INPP4B: variants seen among roughly 807,000 people sequenced by gnomAD.
INPP4B encodes the protein inositol polyphosphate 4-phosphatase type II.
Under a neutral mutation model 122.5 loss-of-function variants are expected in INPP4B, and 55 were observed. The ratio of observed to expected loss-of-function variants is 0.45; its 90% CI spans 0.36 to 0.56. INPP4B has a LOEUF of 0.56. Ranked by LOEUF, INPP4B falls within the 20% of genes least tolerant of loss-of-function variation. The probability of loss-of-function intolerance (pLI) is 0.00; values close to 1 mark genes in which losing one functional copy is unlikely to be tolerated. For missense variants in INPP4B, 1,000 were observed against 1,097.7 expected (o/e 0.91, Z 1.26); for synonymous variants, 403 against 388.7 (o/e 1.04, Z -0.43).
intron 2 of INPP4B, among the ~76,000 whole-genome samples, chr4:142,614,016 G>T (rs1401860800): frequency 1.3e-5 from 2 of 152,146 alleles, no homozygotes; most frequent in Non-Finnish European, 2.9e-5. Context: ...GGAACGGGTA[G>T]CAAATAAATA....
intron 2 of INPP4B, among the ~76,000 whole-genome samples, chr4:142,664,243 C>A (rs1376075984): frequency 6.6e-6 from 1 of 152,138 alleles, no homozygotes; most frequent in African/African-American, 2.4e-5. Context: ...CCATGTCCCA[C>A]ACTGCCAAGA....
At chr4:142,531,645 C>T (rs1159585731) in intron 2 of INPP4B, among the ~76,000 whole-genome samples, 1 of 151,904 alleles carries the variant, frequency 6.6e-6, no homozygotes, top group Non-Finnish European at 1.5e-5. Flanking sequence ...GACAGTTATT[C>T]TCTGAATGGA....
intron 1 of INPP4B, among the ~76,000 whole-genome samples, chr4:142,756,027 T>C (rs1332169834): frequency 6.6e-6 from 1 of 152,042 alleles, no homozygotes; most frequent in African/African-American, 2.4e-5. Flanking sequence ...CCCTCGACCC[T>C]GGAGGGGAAT....
chr4:142,831,924 A>G (rs1242898658), intron 1 of INPP4B, among the ~76,000 whole-genome samples: 1 of 152,232 alleles, frequency 6.6e-6, no homozygotes, highest in Non-Finnish European at 1.5e-5. Context: ...CTGCACTGTA[A>G]GTAGCTATGG....
chr4:142,389,517 T>A (rs951594773), intron 7 of INPP4B, among the ~76,000 whole-genome samples: 1 of 152,182 alleles, frequency 6.6e-6, no homozygotes, highest in Non-Finnish European at 1.5e-5. Context: ...AGCCATTTGG[T>A]CTAAATTAAG....
At chr4:142,042,529 T>C (rs1400727537) in intron 25 of INPP4B, among the ~76,000 whole-genome samples, 4 of 22,614 alleles carry the variant, frequency 1.8e-4, no homozygotes, top group Admixed American at 1.6e-3. Flanking sequence ...TATGTATGTA[T>C]GTATGTATGT....
chr4:142,037,393 C>A (rs746117654), intron 25 of INPP4B, among the ~76,000 whole-genome samples: 9 of 152,156 alleles, frequency 5.9e-5, no homozygotes, highest in Non-Finnish European at 1.2e-4. Flanking sequence ...GATACTCTCT[C>A]AAATCACTCT....
At chr4:142,397,599 G>T (rs796419627) in intron 7 of INPP4B, among the ~76,000 whole-genome samples, 10 of 152,242 alleles carry the variant, frequency 6.6e-5, no homozygotes, top group African/African-American at 2.4e-4. Flanking sequence ...CAGCACTTTG[G>T]GAGGCCGAAG....
intron 2 of INPP4B, among the ~76,000 whole-genome samples, chr4:142,659,075 C>G (rs927070455): frequency 6.6e-6 from 1 of 152,106 alleles, no homozygotes; most frequent in Non-Finnish European, 1.5e-5. Context: ...ATTTTGCAAA[C>G]CATTCAGTCC....
In INPP4B at chr4:142,303,339, T is replaced by G. The variant is rs550121632; in HGVS notation, c.503+2119A>C. Among the ~76,000 whole-genome samples the G allele has an allele frequency of 7.9e-5, 12 of 152,282 alleles. No homozygotes were observed. In the South Asian group the frequency reaches 2.5e-3, roughly 32 times the overall value. On this transcript the variant is annotated intron_variant, in intron 9 of 25. Coordinates refer to ENST00000262992, the MANE Select transcript of INPP4B (RefSeq NM_001101669.3). ...TAACCATGAAGAAAAGGAAATTTAT[T>G]CATGGAATGCTCTTAGTTCTGTGAA...
chr4:142,687,061 C>T (rs1759449507), intron 2 of INPP4B, among the ~76,000 whole-genome samples: 1 of 151,778 alleles, frequency 6.6e-6, no homozygotes, highest in African/African-American at 2.4e-5. Flanking sequence ...TGGGAAGAAA[C>T]AAAGAGTTTC....
chr4:142,612,552 C>G (rs1742788568), intron 2 of INPP4B, among the ~76,000 whole-genome samples: 1 of 152,120 alleles, frequency 6.6e-6, no homozygotes, highest in African/African-American at 2.4e-5. Context: ...GGTAAGGGCC[C>G]AATTCCTGGT....
At chr4:142,679,241 T>G (rs1055894853) in intron 2 of INPP4B, among the ~76,000 whole-genome samples, 1 of 151,868 alleles carries the variant, frequency 6.6e-6, no homozygotes, top group African/African-American at 2.4e-5. Context: ...TCCTGCTGCC[T>G]TAGCAAGTGA....
At chr4:142,507,463 A>G (rs1824171321) in intron 2 of INPP4B, among the ~76,000 whole-genome samples, 1 of 152,084 alleles carries the variant, frequency 6.6e-6, no homozygotes, top group Non-Finnish European at 1.5e-5. Context: ...AGGCAAGATT[A>G]ATATAGATAA....
At chr4:142,754,565 A>G (rs1770219418) in intron 1 of INPP4B, among the ~76,000 whole-genome samples, 1 of 152,050 alleles carries the variant, frequency 6.6e-6, no homozygotes, top group East Asian at 1.9e-4. Flanking sequence ...ATTACTTAGA[A>G]AAATGCATTC....
intron 2 of INPP4B, among the ~76,000 whole-genome samples, chr4:142,480,349 T>C (rs555456320): frequency 1.3e-5 from 2 of 152,266 alleles, no homozygotes; most frequent in South Asian, 2.1e-4. Flanking sequence ...CTTTCAGCTT[T>C]ATGAAGTTTT....
rs1236554313 is a variant in INPP4B at position 142,579,879 on chromosome 4, G to GTAGGTAGATAGA, written c.-190-117154_-190-117153insTCTATCTACCTA. Among the ~76,000 whole-genome samples, 8 of 142,594 alleles carry GTAGGTAGATAGA rather than the reference G, an allele frequency of 5.6e-5. No individual in the cohort carries two copies. In the South Asian group the frequency reaches 9.3e-4, roughly 16 times the overall value. The allele number at this position is 142,594 out of a possible 152,430, so 93.5% of individuals were successfully genotyped here. A position where few individuals can be genotyped will look rare whatever the true frequency, so the allele number is the denominator to read the frequency against. On this transcript the variant is annotated intron_variant, in intron 2 of 25. Transcript: ENST00000262992. ...AATGGATAGATAGATAGATAGGTAG[G>GTAGGTAGATAGA]TAGATAGATAGATAGATAGATAGAT...
At chr4:142,393,623 C>T (rs1798420955) in intron 7 of INPP4B, among the ~76,000 whole-genome samples, 1 of 152,212 alleles carries the variant, frequency 6.6e-6, no homozygotes, top group African/African-American at 2.4e-5. Flanking sequence ...GAGAAGAACT[C>T]TGTCCTATAT....
intron 1 of INPP4B, among the ~76,000 whole-genome samples, chr4:142,834,689 T>C (rs1405529114): frequency 6.6e-6 from 1 of 152,238 alleles, no homozygotes; most frequent in Non-Finnish European, 1.5e-5. Flanking sequence ...AAATGTAGTA[T>C]GATTTAGAAT....
Sources: gnomAD v4.1 joint callset for allele counts (sites outside exome capture counted in the v4.1 genomes callset) on GRCh38, gnomAD v4.1.1 for gene constraint, MANE v1.5 for transcripts, NCBI Gene and HGNC (gene_info 2026-07-23, HGNC 2026-07-21) for gene names.